The following AFG2A variants were observed in gnomAD, a reference collection of about 807,000 sequenced individuals.
The protein encoded by AFG2A is ATPase family gene 2 protein homolog A.
chr4:122,926,261 T>G, the AFG2A span, among the ~76,000 whole-genome samples: 2 of 152,180 alleles, frequency 1.3e-5, no homozygotes, highest in Admixed American at 1.3e-4. Context: ...ACTTGTGTGG[T>G]AATTGTCAAG....
chr4:123,192,013 C>T, the AFG2A span, among the ~76,000 whole-genome samples: 12 of 151,776 alleles, frequency 7.9e-5, no homozygotes, highest in African/African-American at 2.9e-4. Context: ...CACACAAAAT[C>T]ATATAGTCTT....
At chr4:123,192,595 C>G in the AFG2A span, among the ~76,000 whole-genome samples, 4 of 152,232 alleles carry the variant, frequency 2.6e-5, no homozygotes, top group Admixed American at 6.5e-5. Context: ...AATGACTACT[C>G]TATCGAATAA....
At chr4:123,196,687 GA>G in the AFG2A span, among the ~76,000 whole-genome samples, 3 of 152,166 alleles carry the variant, frequency 2.0e-5, no homozygotes, top group African/African-American at 7.2e-5. Context: ...TTGGATGAGG[GA>G]AGAGTAAAGT....
chr4:123,063,146 A>G, the AFG2A span, among the ~76,000 whole-genome samples: 35 of 152,324 alleles, frequency 2.3e-4, 1 homozygote, highest in Middle Eastern at 6.8e-3. Flanking sequence ...AATCTAAAAC[A>G]AAAGGTATTT....
At chr4:123,085,110 T>C in the AFG2A span, among the ~76,000 whole-genome samples, 1 of 152,156 alleles carries the variant, frequency 6.6e-6, no homozygotes, top group African/African-American at 2.4e-5. Flanking sequence ...AATTTGTTCA[T>C]GTGTGTTTTA....
At chr4:123,208,639 A>G in the AFG2A span, among the ~76,000 whole-genome samples, 1 of 152,204 alleles carries the variant, frequency 6.6e-6, no homozygotes, top group East Asian at 1.9e-4. Flanking sequence ...TCCAAAGCTA[A>G]CCATCAATGT....
chr4:123,135,473 CTTTG>C, the AFG2A span, among the ~76,000 whole-genome samples: 2 of 152,172 alleles, frequency 1.3e-5, no homozygotes, highest in African/African-American at 2.4e-5. Context: ...GTGAAATTAT[CTTTG>C]TTTGCTGACT....
the AFG2A span, among the ~76,000 whole-genome samples, chr4:122,968,904 T>C: frequency 6.6e-6 from 1 of 152,166 alleles, no homozygotes; most frequent in Non-Finnish European, 1.5e-5. Flanking sequence ...GAATTGACCA[T>C]TTAGATGTCT....
the AFG2A span, among the ~76,000 whole-genome samples, chr4:123,054,442 A>G: frequency 6.6e-6 from 1 of 151,260 alleles, no homozygotes; most frequent in Non-Finnish European, 1.5e-5. Context: ...GAATTAAGTC[A>G]TTATCGTGAA....
chr4:123,182,855 T>C, the AFG2A span, among the ~76,000 whole-genome samples: 6 of 152,132 alleles, frequency 3.9e-5, no homozygotes, highest in Non-Finnish European at 1.5e-5. Context: ...AGCTCATCTG[T>C]TGGGGAGAAG....
the AFG2A span, among the ~76,000 whole-genome samples, chr4:123,259,376 G>A: frequency 6.6e-6 from 1 of 152,170 alleles, no homozygotes; most frequent in Non-Finnish European, 1.5e-5. Flanking sequence ...AGCCTCAGGA[G>A]GCTCTCAAGA....
chr4:123,116,555 C>G, the AFG2A span, among the ~76,000 whole-genome samples: 1 of 152,224 alleles, frequency 6.6e-6, no homozygotes, highest in Non-Finnish European at 1.5e-5. Flanking sequence ...ACATTGTTAG[C>G]CCAAGTAATG....
the AFG2A span, among the ~76,000 whole-genome samples, chr4:123,275,886 C>G: frequency 6.6e-6 from 1 of 152,140 alleles, no homozygotes; most frequent in Non-Finnish European, 1.5e-5. Context: ...TTTACCCAAT[C>G]TACTATTAAT....
chr4:122,934,143 T>A, the AFG2A span: 1 of 1,613,996 alleles, frequency 6.2e-7, no homozygotes, highest in Non-Finnish European at 8.5e-7. Flanking sequence ...GTACATTCTA[T>A]GGACGACCGT....
At chr4:123,115,866 A>G in the AFG2A span, among the ~76,000 whole-genome samples, 1 of 152,196 alleles carries the variant, frequency 6.6e-6, no homozygotes, top group Non-Finnish European at 1.5e-5. Flanking sequence ...ACAGTGATGG[A>G]TGGACTAGCA....
the AFG2A span, among the ~76,000 whole-genome samples, chr4:123,212,292 A>T: frequency 0.052 from 7,925 of 152,102 alleles, 694 homozygotes; most frequent in African/African-American, 0.18. Context: ...CATACAACTC[A>T]GACCCTCCTA....
chr4:122,946,458 G>T, the AFG2A span, among the ~76,000 whole-genome samples: 1 of 152,152 alleles, frequency 6.6e-6, no homozygotes, highest in African/African-American at 2.4e-5. Context: ...TAGATTCGCT[G>T]TAGTCCATGC....
chr4:123,060,595 A>T, the AFG2A span, among the ~76,000 whole-genome samples: 2 of 152,148 alleles, frequency 1.3e-5, no homozygotes, highest in African/African-American at 4.8e-5. Flanking sequence ...GCAGGGCACC[A>T]AGTCCTGAGG....
At chr4:123,292,280 G>C in the AFG2A span, among the ~76,000 whole-genome samples, 2 of 152,014 alleles carry the variant, frequency 1.3e-5, no homozygotes, top group Non-Finnish European at 2.9e-5. Context: ...AATTGTTATT[G>C]TGATTTCTTT....
Sources: allele counts gnomAD v4.1 joint callset (sites outside exome capture counted in the v4.1 genomes callset), GRCh38; gene constraint gnomAD v4.1.1; transcripts MANE v1.5; gene names NCBI Gene and HGNC (gene_info 2026-07-23, HGNC 2026-07-21).